The following CPNE4 variants were observed in gnomAD, a reference collection of about 807,000 sequenced individuals.
The protein encoded by CPNE4 is copine-4.
In CPNE4, 25 loss-of-function variants were observed where a neutral mutation model predicts 67.9. The ratio of observed to expected loss-of-function variants is 0.37; its 90% CI spans 0.27 to 0.51. The LOEUF (loss-of-function observed/expected upper bound fraction) is 0.51, where lower values mean the gene tolerates loss of function less well. Ranked by LOEUF, CPNE4 falls within the 20% of genes least tolerant of loss-of-function variation. CPNE4 has a pLI of 0.93. For synonymous variants in CPNE4, 242 were observed against 244.9 expected, an observed-to-expected ratio of 0.99 and a Z score of 0.11; for missense variants, 464 against 690.8, an observed-to-expected ratio of 0.67 and a Z score of 3.68.
chr3:131,919,885 A>G (rs927521745), intron 1 of CPNE4, among the ~76,000 whole-genome samples: 1 of 152,204 alleles, frequency 6.6e-6, no homozygotes, highest in African/African-American at 2.4e-5. Flanking sequence ...TAAAATAGAC[A>G]AAATTTAATT....
chr3:131,629,094 G>C (rs1487134014), intron 7 of CPNE4, among the ~76,000 whole-genome samples: 1 of 152,200 alleles, frequency 6.6e-6, no homozygotes, highest in African/African-American at 2.4e-5. Context: ...ATTCTGGTAT[G>C]TTGTGTCTTT....
intron 1 of CPNE4, among the ~76,000 whole-genome samples, chr3:131,914,480 C>T (rs1234183573): frequency 6.6e-6 from 1 of 152,066 alleles, no homozygotes; most frequent in Non-Finnish European, 1.5e-5. Flanking sequence ...CACAGAGAGT[C>T]CTTTATTTTG....
intron 2 of CPNE4, among the ~76,000 whole-genome samples, chr3:131,738,855 T>C (rs1325044420): frequency 2.6e-5 from 1 of 38,534 alleles, no homozygotes; most frequent in Non-Finnish European, 8.7e-5. Context: ...TTTCTTTTTC[T>C]TTTTTTTTTT....
intron 1 of CPNE4, among the ~76,000 whole-genome samples, chr3:131,997,244 C>T (rs1473363797): frequency 6.6e-6 from 1 of 152,108 alleles, no homozygotes; most frequent in Non-Finnish European, 1.5e-5. Flanking sequence ...TTCAGTCATT[C>T]CAACAGCTGC....
At chr3:131,569,135 A>C (rs1335664580) in intron 10 of CPNE4, among the ~76,000 whole-genome samples, 2 of 151,990 alleles carry the variant, frequency 1.3e-5, no homozygotes, top group Non-Finnish European at 2.9e-5. Flanking sequence ...CATTTTCTGG[A>C]AATGGCAAAG....
Position 131,728,141 on chromosome 3 carries a change from T to G in CPNE4, c.181-4516A>C, listed in dbSNP as rs114941639. 4.7e-3 allele frequency among the ~76,000 whole-genome samples: 710 copies of G among 152,358 alleles called. 8 individuals carry two copies. Among genetic ancestry groups the G allele is most frequent in the African/African-American group, 0.016 (676 of 41,586 alleles). On this transcript the variant is annotated intron_variant, in intron 2 of 15. Transcript: ENST00000429747. Reference sequence around the variant, plus strand: ...GTGGAGTGGTCTCTCATTGTGGTTTTAATTTTCGTTTTCCTAAAACTAATG... The same window carrying G: ...GTGGAGTGGTCTCTCATTGTGGTTTGAATTTTCGTTTTCCTAAAACTAATG...
chr3:131,968,301 A>C (rs11709817), intron 1 of CPNE4, among the ~76,000 whole-genome samples: 54,705 of 152,096 alleles, frequency 0.36, 10,279 homozygotes, highest in Non-Finnish European at 0.42. Context: ...GGCATGGGCA[A>C]AGACTTCATG....
upstream of CPNE4, chr3:132,035,350 A>G (rs2074322665): frequency 2.6e-5 from 4 of 152,244 alleles, no homozygotes; most frequent in Admixed American, 2.6e-4. Context: ...AAAACTTCTT[A>G]GATGGGTGCT....
chr3:131,981,239 G>A (rs2072900903), intron 1 of CPNE4, among the ~76,000 whole-genome samples: 1 of 151,976 alleles, frequency 6.6e-6, no homozygotes, highest in Non-Finnish European at 1.5e-5. Context: ...GGTGGTGGGT[G>A]GGGCCCTAGA....
At chr3:131,882,256 T>A (rs2087703285) in intron 2 of CPNE4, among the ~76,000 whole-genome samples, 1 of 152,108 alleles carries the variant, frequency 6.6e-6, no homozygotes, top group Admixed American at 6.6e-5. Flanking sequence ...TCATATTATA[T>A]TATGTAAATA....
intron 7 of CPNE4, among the ~76,000 whole-genome samples, chr3:131,639,155 G>A (rs1399574492): frequency 6.6e-6 from 1 of 151,660 alleles, no homozygotes; most frequent in Non-Finnish European, 1.5e-5. Context: ...TAATAAATAA[G>A]GAAGATCAGA....
Position 131,881,751 on chromosome 3 carries a change from T to G in CPNE4, c.180+23513A>C, listed in dbSNP as rs535469412. Among the ~76,000 whole-genome samples, 3 of 152,246 alleles carry G rather than the reference T, an allele frequency of 2.0e-5. No homozygotes were observed. In the South Asian group the frequency reaches 6.2e-4, roughly 32 times the overall value. On this transcript the variant is annotated intron_variant, in intron 2 of 15. Coordinates refer to ENST00000429747, the MANE Select transcript of CPNE4 (RefSeq NM_130808.3). ...GGCAGAATGAATCGTTTTTAAGAAC[T>G]GAGAAAAAGGGAAAAAACAATTGGA...
chr3:131,884,656 G>A (rs962490544), intron 2 of CPNE4, among the ~76,000 whole-genome samples: 1 of 152,144 alleles, frequency 6.6e-6, no homozygotes, highest in Non-Finnish European at 1.5e-5. Flanking sequence ...ATTCCCACGT[G>A]TTGTGGGAGG....
intron 2 of CPNE4, among the ~76,000 whole-genome samples, chr3:131,848,956 CAAAAAAAAAAAAAAAA>C (rs67407668): frequency 1.4e-4 from 11 of 79,636 alleles, no homozygotes; most frequent in Non-Finnish European, 2.2e-4. Context: ...GTAGTGATTA[CAAAAAAAAAAAAAAAA>C]AAAAAAAAAA....
At chr3:131,637,175 A>T (rs1196991696) in intron 7 of CPNE4, among the ~76,000 whole-genome samples, 3 of 152,224 alleles carry the variant, frequency 2.0e-5, no homozygotes, top group Non-Finnish European at 4.4e-5. Context: ...GCAGCAACAG[A>T]TCCAAACCAA....
Position 131,875,805 on chromosome 3 carries a change from G to A in CPNE4, c.180+29459C>T, listed in dbSNP as rs183155069. On this transcript the variant is annotated intron_variant, in intron 2 of 15. Transcript: ENST00000429747. Reference sequence around the variant, plus strand: ...CATATGTAACAAACCTGCATGTTGTGCACATGTACCCTAAAACTTAAAGTA... The same window carrying A: ...CATATGTAACAAACCTGCATGTTGTACACATGTACCCTAAAACTTAAAGTA... Among the ~76,000 whole-genome samples, 657 of 150,402 alleles carry A rather than the reference G, an allele frequency of 4.4e-3. 4 individuals are homozygous for A. Among genetic ancestry groups the A allele is most frequent in the African/African-American group, 0.016 (632 of 40,718 alleles).
At chr3:131,825,087 C>T (rs2085101498) in intron 2 of CPNE4, among the ~76,000 whole-genome samples, 1 of 152,082 alleles carries the variant, frequency 6.6e-6, no homozygotes, top group Non-Finnish European at 1.5e-5. Context: ...TCCTTAGCAG[C>T]TTTTGGTGTC....
intron 1 of CPNE4, among the ~76,000 whole-genome samples, chr3:132,018,962 C>G (rs1401043914): frequency 1.3e-5 from 2 of 152,244 alleles, no homozygotes; most frequent in Middle Eastern, 3.4e-3. Flanking sequence ...GAGCAACCAC[C>G]AAAACGTGAA....
At chr3:131,716,375 A>C (rs1187871294) in intron 3 of CPNE4, among the ~76,000 whole-genome samples, 1 of 152,108 alleles carries the variant, frequency 6.6e-6, no homozygotes, top group Non-Finnish European at 1.5e-5. Context: ...ATTGCCCCAA[A>C]TTATTTCAGA....
Sources: allele counts gnomAD v4.1 joint callset (sites outside exome capture counted in the v4.1 genomes callset), GRCh38; gene constraint gnomAD v4.1.1; transcripts MANE v1.5; gene names NCBI Gene and HGNC (gene_info 2026-07-23, HGNC 2026-07-21).